DACH1: variants seen among roughly 807,000 people sequenced by gnomAD.
DACH1 encodes the protein dachshund homolog 1.
DACH1 carries 12 observed loss-of-function variants against 54.2 expected under a neutral mutation model. The observed-to-expected ratio is 0.22, with a 90% CI of 0.14 to 0.36. The LOEUF is 0.36. DACH1 is among the 10% of genes least tolerant of loss of function. The pLI, the probability that DACH1 is intolerant of heterozygous loss-of-function variation, is 1.00. For synonymous variants in DACH1, 386 were observed against 366.2 expected (o/e 1.05, Z -0.62); for missense variants, 805 against 929.8 (o/e 0.87, Z 1.75).
At chr13:71,557,839 T>A (rs1185421100) in intron 5 of DACH1, among the ~76,000 whole-genome samples, 3 of 142,500 alleles carry the variant, frequency 2.1e-5, no homozygotes, top group Middle Eastern at 3.8e-3. Flanking sequence ...AAATGGCCTG[T>A]ACTAAAAAAA....
intron 2 of DACH1, among the ~76,000 whole-genome samples, chr13:71,658,040 G>C (rs76118132): frequency 0.013 from 1,933 of 152,232 alleles, 42 homozygotes; most frequent in African/African-American, 0.044. Context: ...AAAGTGTTCA[G>C]TGACTCAAAA....
At chr13:71,507,194 G>C (rs1325495779) in intron 6 of DACH1, among the ~76,000 whole-genome samples, 1 of 152,122 alleles carries the variant, frequency 6.6e-6, no homozygotes, top group East Asian at 1.9e-4. Context: ...TATCCATGCA[G>C]TAGTGACAGG....
intron 2 of DACH1, among the ~76,000 whole-genome samples, chr13:71,669,882 G>A (rs1215925932): frequency 1.3e-5 from 2 of 152,154 alleles, no homozygotes; most frequent in East Asian, 1.9e-4. Context: ...GCTAGCAAGC[G>A]ATGAGGAAGA....
chr13:71,681,751 G>T, intron 2 of DACH1, 44 bp downstream of exon 2: 1 of 1,414,584 alleles, frequency 7.1e-7, no homozygotes, highest in Non-Finnish European at 1.0e-6. Flanking sequence ...TACGACATTG[G>T]CTGATTTTTA....
rs181352002 is a variant in DACH1, at chr13:71,476,465, C to T, written c.1871-616G>A. 2.0e-4 allele frequency among the ~76,000 whole-genome samples: 31 copies of T among 152,082 alleles called. No individual in the cohort carries two copies. The East Asian group carries it at 5.0e-3, about 25-fold the overall frequency. On this transcript the variant is annotated intron_variant, in intron 8 of 10. Transcript: ENST00000613252. ...AAATGTTTTTGTTTGGATGAAGTTACGATGATTTCCTGAGAATATTTTTCT... is the reference window on the plus strand; with the variant it reads ...AAATGTTTTTGTTTGGATGAAGTTATGATGATTTCCTGAGAATATTTTTCT...
intron 10 of DACH1, among the ~76,000 whole-genome samples, chr13:71,467,556 T>G (rs1433769432): frequency 6.6e-6 from 1 of 150,832 alleles, no homozygotes; most frequent in Admixed American, 6.6e-5. Context: ...ATAAAAAAAA[T>G]TCTAAAATTT....
intron 1 of DACH1, among the ~76,000 whole-genome samples, chr13:71,858,685 C>T (rs755353786): frequency 1.3e-5 from 2 of 151,754 alleles, no homozygotes; most frequent in Non-Finnish European, 3.0e-5. Context: ...CTGGTAACCA[C>T]CATTCTACTC....
intron 1 of DACH1, among the ~76,000 whole-genome samples, chr13:71,796,034 G>A (rs6562682): frequency 0.47 from 71,400 of 151,854 alleles, 17,784 homozygotes; most frequent in East Asian, 0.86. Flanking sequence ...GCTTTAAGAA[G>A]GAAGCAAGCA....
intron 3 of DACH1, among the ~76,000 whole-genome samples, chr13:71,623,593 G>A (rs1273728402): frequency 1.3e-5 from 2 of 151,582 alleles, no homozygotes; most frequent in Non-Finnish European, 3.0e-5. Context: ...GGAACATGTG[G>A]TTACTTCTGA....
chr13:71,810,351 C>T (rs933560191), intron 1 of DACH1, among the ~76,000 whole-genome samples: 2 of 152,000 alleles, frequency 1.3e-5, no homozygotes, highest in Non-Finnish European at 2.9e-5. Context: ...AAAAAGAGTA[C>T]GGGCAAAGAG....
chr13:71,448,618 C>T (rs979453041), intron 10 of DACH1, among the ~76,000 whole-genome samples: 1 of 152,154 alleles, frequency 6.6e-6, no homozygotes, highest in African/African-American at 2.4e-5. Context: ...ACAAAGTCTA[C>T]ATTAAACATG....
chr13:71,657,871 G>A (rs1879235621), intron 2 of DACH1, among the ~76,000 whole-genome samples: 1 of 152,046 alleles, frequency 6.6e-6, no homozygotes, highest in Non-Finnish European at 1.5e-5. Flanking sequence ...GCCTCCCGGA[G>A]TGCTGGGATT....
At chr13:71,783,970 AAAAAAAAAAAC>A (rs1188419991) in intron 1 of DACH1, among the ~76,000 whole-genome samples, 1 of 150,644 alleles carries the variant, frequency 6.6e-6, no homozygotes, top group Non-Finnish European at 1.5e-5. Flanking sequence ...GGTTTAAAAA[AAAAAAAAAAAC>A]AAAAAAAAAA....
chr13:71,702,239 T>G (rs1223803360), intron 1 of DACH1, among the ~76,000 whole-genome samples: 2 of 152,166 alleles, frequency 1.3e-5, no homozygotes, highest in Non-Finnish European at 2.9e-5. Flanking sequence ...TTATATAAAC[T>G]TCCCCTTTAA....
At chr13:71,664,407 T>C (rs1244969599) in intron 2 of DACH1, among the ~76,000 whole-genome samples, 2 of 152,038 alleles carry the variant, frequency 1.3e-5, no homozygotes, top group Non-Finnish European at 2.9e-5. Context: ...ACTAAATACA[T>C]GTAGAATTTG....
At position 71,459,001 on chromosome 13, in the gene DACH1, T is replaced by C. The variant is rs531004389; in HGVS notation, c.2083+16140A>G. On this transcript the variant is annotated intron_variant, in intron 10 of 10. Transcript: ENST00000613252. ...TTCAGTGTATAAGCATTTGTTAAAGTGAATTGGCTGCTACAGATAGATTCA... is the reference window on the plus strand; with the variant it reads ...TTCAGTGTATAAGCATTTGTTAAAGCGAATTGGCTGCTACAGATAGATTCA... Among the ~76,000 whole-genome samples, 5 of 152,056 alleles carry C rather than the reference T, an allele frequency of 3.3e-5. No individual in the cohort carries two copies. In the East Asian group the frequency reaches 7.7e-4, roughly 23 times the overall value.
chr13:71,579,771 A>G (rs1885748309), intron 3 of DACH1, among the ~76,000 whole-genome samples: 1 of 152,106 alleles, frequency 6.6e-6, no homozygotes, highest in African/African-American at 2.4e-5. Flanking sequence ...TAAAGATAAA[A>G]GGTAAAATAC....
intron 1 of DACH1, among the ~76,000 whole-genome samples, chr13:71,692,428 A>T (rs765412797): frequency 6.6e-6 from 1 of 151,576 alleles, no homozygotes; most frequent in African/African-American, 2.4e-5. Flanking sequence ...TTATTAGTCA[A>T]ACATCTTTAG....
At chr13:71,847,219 ATTTG>A (rs948669249) in intron 1 of DACH1, among the ~76,000 whole-genome samples, 8 of 152,252 alleles carry the variant, frequency 5.3e-5, no homozygotes, top group African/African-American at 1.7e-4. Context: ...ATATATTTTC[ATTTG>A]TTTGTTTTTA....
Sources: gnomAD v4.1 joint callset for allele counts (sites outside exome capture counted in the v4.1 genomes callset) on GRCh38, gnomAD v4.1.1 for gene constraint, MANE v1.5 for transcripts, NCBI Gene and HGNC (gene_info 2026-07-23, HGNC 2026-07-21) for gene names.